The following ATP11B variants were observed in gnomAD, a reference collection of about 807,000 sequenced individuals.
ATP11B encodes ATPase phospholipid transporting 11B (putative).
Under a neutral mutation model 157.8 loss-of-function variants are expected in ATP11B, and 81 were observed. The observed-to-expected ratio is 0.51, with a 90% CI of 0.43 to 0.62. The LOEUF is 0.62. ATP11B is among the 20% of genes least tolerant of loss of function. The pLI, the probability that ATP11B is intolerant of heterozygous loss-of-function variation, is 0.00. For missense variants in ATP11B, 1,165 were observed against 1,402.2 expected (o/e 0.83, Z 2.70); for synonymous variants, 451 against 469.4 (o/e 0.96, Z 0.51).
At chr3:182,834,496 A>G (rs1181955632) in intron 4 of ATP11B, among the ~76,000 whole-genome samples, 2 of 152,212 alleles carry the variant, frequency 1.3e-5, no homozygotes, top group Non-Finnish European at 2.9e-5. Context: ...AAGTGTTCAC[A>G]TAGGCAAGCA....
At chr3:182,825,527 T>C (rs764537056) in intron 2 of ATP11B, among the ~76,000 whole-genome samples, 1 of 152,104 alleles carries the variant, frequency 6.6e-6, no homozygotes, top group Non-Finnish European at 1.5e-5. Context: ...GAGAACAGCC[T>C]GGCCAACAGG....
At chr3:182,801,041 A>G (rs1715979483) in intron 1 of ATP11B, among the ~76,000 whole-genome samples, 1 of 152,112 alleles carries the variant, frequency 6.6e-6, no homozygotes, top group African/African-American at 2.4e-5. Flanking sequence ...ACCTCAGATG[A>G]TCAATCCACT....
intron 8 of ATP11B, 78 bp from the exon 9 acceptor site, chr3:182,845,380 T>G: frequency 3.2e-6 from 4 of 1,239,884 alleles, no homozygotes; most frequent in Non-Finnish European, 4.5e-6. Flanking sequence ...TTAAGTACCT[T>G]CTGCTGAAGA....
At chr3:182,822,078 A>G (rs1463146978) in intron 2 of ATP11B, among the ~76,000 whole-genome samples, 2 of 151,962 alleles carry the variant, frequency 1.3e-5, no homozygotes, top group East Asian at 3.8e-4. Flanking sequence ...AATCCAGGAT[A>G]ATGGATGAGC....
intron 1 of ATP11B, among the ~76,000 whole-genome samples, chr3:182,808,597 A>G (rs184322949): frequency 5.9e-5 from 9 of 152,202 alleles, no homozygotes; most frequent in Non-Finnish European, 1.3e-4. Flanking sequence ...CATAATGATG[A>G]TGTTTCATGT....
At chr3:182,915,129 C>T in intron 29 of ATP11B, 3 of 985,264 alleles carry the variant, frequency 3.0e-6, no homozygotes, top group Non-Finnish European at 3.6e-6. Context: ...AGTATGATAT[C>T]ATTCATCTGT....
chr3:182,866,423 T>C lies in ATP11B; in HGVS notation c.1599T>C (p.Ala533=). Residue 533 remains alanine, a synonymous_variant, in exon 14 of 30, where the codon GCT becomes GCC. Transcript: ENST00000323116. ...EYYASSPDEK[A]LVEAAARIGI... ...ATGCATCTTCACCAGATGAAAAGGC[T>C]CTAGTAGAAGCTGCTGCAAGGTAAT... 6.2e-7 allele frequency: 1 copy of C among 1,607,890 alleles called. No homozygotes were observed. The highest frequency in any genetic ancestry group is 8.5e-7 in the Non-Finnish European group (1 of 1,176,498).
At chr3:182,860,861 C>A (rs949059395) in intron 12 of ATP11B, among the ~76,000 whole-genome samples, 1 of 151,986 alleles carries the variant, frequency 6.6e-6, no homozygotes, top group African/African-American at 2.4e-5. Flanking sequence ...TTTTACCTCC[C>A]CGAGGATATT....
chr3:182,837,447 A>T (rs945152671), intron 7 of ATP11B, among the ~76,000 whole-genome samples: 23 of 152,138 alleles, frequency 1.5e-4, no homozygotes, highest in Admixed American at 1.2e-3. Flanking sequence ...CTTTGTAGCT[A>T]TAACAGTAGT....
At chr3:182,897,517 T>A (rs983544847) in intron 27 of ATP11B, 111 bp downstream of exon 27, 21 of 708,936 alleles carry the variant, frequency 3.0e-5, no homozygotes, top group Non-Finnish European at 4.3e-5. Flanking sequence ...AGACTCCTGG[T>A]AAGTTTACTT....
rs1320280569 is a variant in ATP11B at position 182,845,523 on chromosome 3, G to A, written c.769+1G>A. ...TTAAAAAACACAAAAGAAATTTTTG[G>A]TTTGTACATATTTAAACATTTTAAA... On this transcript the variant is annotated splice_donor_variant, in intron 9 of 29. Coordinates refer to ENST00000323116, the MANE Select transcript of ATP11B (RefSeq NM_014616.3). LOFTEE classifies it high-confidence loss of function. 1 of 1,589,686 alleles carries A rather than the reference G, an allele frequency of 6.3e-7. No homozygotes were observed. The highest frequency in any genetic ancestry group is 2.3e-5 in the East Asian group (1 of 43,900).
At chr3:182,816,651 T>C (rs1716985169) in intron 1 of ATP11B, among the ~76,000 whole-genome samples, 1 of 152,212 alleles carries the variant, frequency 6.6e-6, no homozygotes, top group South Asian at 2.1e-4. Flanking sequence ...TAGTTTTAAA[T>C]ATAGAATTTC....
At position 182,914,004 on chromosome 3, in the gene ATP11B, C is replaced by G. The variant is rs11925959; in HGVS notation, c.3452+10C>G. On this transcript the variant is annotated intron_variant, in intron 29 of 29. Transcript: ENST00000323116. ...CAACCCACATCAGCAGGTGTGAAAT[C>G]TCTCTAAGTAGCCTTTGCTGCAGAT... is the stretch of plus-strand genomic sequence containing the variant. 4 of 1,613,482 alleles carry G rather than the reference C, an allele frequency of 2.5e-6. No individual in the cohort carries two copies. Among genetic ancestry groups the G allele is most frequent in the Non-Finnish European group, 2.5e-6 (3 of 1,179,754 alleles).
intron 1 of ATP11B, among the ~76,000 whole-genome samples, chr3:182,810,380 T>A (rs1716582449): frequency 6.6e-6 from 1 of 152,184 alleles, no homozygotes; most frequent in Non-Finnish European, 1.5e-5. Flanking sequence ...GATCCAGTGA[T>A]GCTAAGTAAT....
chr3:182,874,227 T>G (rs193234442), intron 19 of ATP11B, among the ~76,000 whole-genome samples: 1 of 152,206 alleles, frequency 6.6e-6, no homozygotes, highest in East Asian at 1.9e-4. Flanking sequence ...CTATAAAGTT[T>G]GATTGGAACA....
chr3:182,888,616 G>T (rs549492650), intron 24 of ATP11B, among the ~76,000 whole-genome samples: 2 of 152,202 alleles, frequency 1.3e-5, no homozygotes, highest in East Asian at 3.9e-4. Flanking sequence ...AATCTCCCAG[G>T]TTCAAGCAAT....
At position 182,799,826 on chromosome 3, in the gene ATP11B, A is replaced by G. The variant is rs140485001; in HGVS notation, c.27+6040A>G. Among the ~76,000 whole-genome samples, 282 of 152,292 alleles carry G rather than the reference A, an allele frequency of 1.9e-3. 3 individuals carry two copies. In the East Asian group the frequency reaches 0.02, roughly 11 times the overall value. ...TTATAAAATTTAGTATAAGAAAAAC[A>G]TTCTAGGCCAGGTGTGGTGGCTCAA... On this transcript the variant is annotated intron_variant, in intron 1 of 29. Coordinates refer to ENST00000323116, the MANE Select transcript of ATP11B (RefSeq NM_014616.3).
intron 1 of ATP11B, among the ~76,000 whole-genome samples, chr3:182,810,890 G>A (rs569864275): frequency 2.7e-4 from 41 of 151,966 alleles, no homozygotes; most frequent in Non-Finnish European, 5.0e-4. Flanking sequence ...TCCCCTGTTC[G>A]TATCAAATAT....
At chr3:182,853,090 A>C (rs531225281) in intron 10 of ATP11B, among the ~76,000 whole-genome samples, 1 of 152,370 alleles carries the variant, frequency 6.6e-6, no homozygotes, top group East Asian at 1.9e-4. Flanking sequence ...GAAAGCACGA[A>C]GTAAAATTGT....
Sources: allele counts gnomAD v4.1 joint callset (sites outside exome capture counted in the v4.1 genomes callset), GRCh38; gene constraint gnomAD v4.1.1; transcripts MANE v1.5; gene names NCBI Gene and HGNC (gene_info 2026-07-23, HGNC 2026-07-21).